Variants in NTRK2 observed in about 807,000 individuals in gnomAD.
The protein encoded by NTRK2 is neurotrophic receptor tyrosine kinase 2.
NTRK2 carries 13 observed loss-of-function variants against 94.5 expected under a neutral mutation model. That is an observed-to-expected ratio of 0.14 (90% confidence interval 0.09 to 0.22). The LOEUF (loss-of-function observed/expected upper bound fraction) is 0.22, where lower values mean the gene tolerates loss of function less well. Among genes scored for constraint, NTRK2 ranks in the 10% least tolerant of loss-of-function variants. The pLI, the probability that NTRK2 is intolerant of heterozygous loss-of-function variation, is 1.00. For missense variants in NTRK2, 639 were observed against 1,071.2 expected, an observed-to-expected ratio of 0.60 and a Z score of 5.63; for synonymous variants, 372 against 407.4, an observed-to-expected ratio of 0.91 and a Z score of 1.05.
Position 84,715,770 on chromosome 9 carries a change from G to A in NTRK2, c.583+4979G>A, listed in dbSNP as rs146046267. Among the ~76,000 whole-genome samples, 775 of 152,132 alleles carry A rather than the reference G, an allele frequency of 5.1e-3. 7 individuals carry two copies. The highest frequency in any genetic ancestry group is 0.017 in the African/African-American group (722 of 41,512). On this transcript the variant is annotated intron_variant, in intron 6 of 18. Transcript: ENST00000277120. ...TGTTTCTAATGAAATTATTTATCAC[G>A]TAGTATTTTCTTTTTAATTTCTGCT...
chr9:84,802,750 G>C (rs778889303), intron 12 of NTRK2, among the ~76,000 whole-genome samples: 1 of 152,198 alleles, frequency 6.6e-6, no homozygotes, highest in Non-Finnish European at 1.5e-5. Flanking sequence ...TAAGCTCTCT[G>C]TTTTAATGGG....
intron 12 of NTRK2, among the ~76,000 whole-genome samples, chr9:84,757,248 C>A (rs183375388): frequency 3.2e-4 from 48 of 152,144 alleles, no homozygotes; most frequent in African/African-American, 1.1e-3. Context: ...TTTAGAAATA[C>A]CTAAACATAA....
intron 12 of NTRK2, among the ~76,000 whole-genome samples, chr9:84,816,867 T>C (rs1353072337): frequency 1.3e-5 from 2 of 152,110 alleles, no homozygotes; most frequent in Admixed American, 6.5e-5. Flanking sequence ...TCTCCATTTG[T>C]TGAACGAAGA....
intron 17 of NTRK2, among the ~76,000 whole-genome samples, chr9:85,008,796 G>T (rs1343561361): frequency 1.3e-5 from 2 of 152,308 alleles, no homozygotes. Flanking sequence ...GGATCGTGCA[G>T]TGGAGCAGGA....
chr9:84,936,060 C>A (rs533469981), intron 15 of NTRK2, among the ~76,000 whole-genome samples: 3 of 152,234 alleles, frequency 2.0e-5, no homozygotes, highest in Middle Eastern at 3.4e-3. Context: ...CTAAGTCAGA[C>A]CTTCAGACTC....
At chr9:84,849,036 A>G (rs1254720162) in intron 12 of NTRK2, among the ~76,000 whole-genome samples, 2 of 152,230 alleles carry the variant, frequency 1.3e-5, no homozygotes, top group African/African-American at 4.8e-5. Flanking sequence ...TTAGGCATAC[A>G]TATTGGAGTC....
chr9:84,998,299 C>T (rs1204329294), intron 17 of NTRK2, among the ~76,000 whole-genome samples: 1 of 152,194 alleles, frequency 6.6e-6, no homozygotes, highest in Non-Finnish European at 1.5e-5. Flanking sequence ...CACTTAGCTT[C>T]TTCTTGACCC....
At chr9:84,950,493 T>A (rs1175816433) in intron 16 of NTRK2, among the ~76,000 whole-genome samples, 1 of 152,218 alleles carries the variant, frequency 6.6e-6, no homozygotes, top group Non-Finnish European at 1.5e-5. Flanking sequence ...CAGCTGCTGG[T>A]GTCCCTTAAA....
intron 14 of NTRK2, among the ~76,000 whole-genome samples, chr9:84,916,295 T>G (rs2132533446): frequency 6.6e-6 from 1 of 152,282 alleles, no homozygotes; most frequent in African/African-American, 2.4e-5. Context: ...TAGCTATGTG[T>G]CACAGTGGGT....
intron 17 of NTRK2, among the ~76,000 whole-genome samples, chr9:84,993,818 C>T (rs1047979358): frequency 1.3e-5 from 2 of 152,150 alleles, no homozygotes; most frequent in Non-Finnish European, 2.9e-5. Flanking sequence ...GTCGCAGGAC[C>T]TTTGCACATG....
At chr9:84,873,098 T>A in intron 14 of NTRK2, 2 of 1,064,510 alleles carry the variant, frequency 1.9e-6, no homozygotes, top group Non-Finnish European at 1.1e-6. Context: ...AGAGATTATC[T>A]GCAGACTTCA....
intron 12 of NTRK2, among the ~76,000 whole-genome samples, chr9:84,756,244 C>A (rs1022336890): frequency 2.0e-5 from 3 of 152,156 alleles, no homozygotes; most frequent in Non-Finnish European, 4.4e-5. Flanking sequence ...GCTCCATTGC[C>A]AAAGGAATAG....
intron 14 of NTRK2, among the ~76,000 whole-genome samples, chr9:84,925,475 T>A (rs2077730443): frequency 1.3e-5 from 2 of 152,160 alleles, no homozygotes; most frequent in African/African-American, 4.8e-5. Context: ...TCATGATCCA[T>A]GGCCCTCTCC....
intron 12 of NTRK2, among the ~76,000 whole-genome samples, chr9:84,821,885 C>A (rs2072871808): frequency 6.6e-6 from 1 of 151,612 alleles, no homozygotes; most frequent in South Asian, 2.1e-4. Flanking sequence ...TGTGTTCTTT[C>A]TTTTCTTGGT....
intron 2 of NTRK2, among the ~76,000 whole-genome samples, chr9:84,701,058 A>G (rs1215889487): frequency 1.3e-5 from 2 of 152,236 alleles, no homozygotes; most frequent in Non-Finnish European, 2.9e-5. Flanking sequence ...CTGAATAGAC[A>G]GGTACTTAAA....
chr9:84,713,821 G>C (rs916635036), intron 6 of NTRK2, among the ~76,000 whole-genome samples: 1 of 150,980 alleles, frequency 6.6e-6, no homozygotes, highest in South Asian at 2.1e-4. Flanking sequence ...CCCCTCTAGA[G>C]GTTTTGAGAA....
At chr9:84,751,577 TCA>T (rs146932543) in intron 11 of NTRK2, among the ~76,000 whole-genome samples, 14 of 149,136 alleles carry the variant, frequency 9.4e-5, no homozygotes, top group Admixed American at 2.7e-4. Context: ...TGAGACTCCG[TCA>T]CACACACACA....
intron 14 of NTRK2, chr9:84,873,227 A>C (rs922515324): frequency 9.4e-7 from 1 of 1,061,360 alleles, no homozygotes; most frequent in Non-Finnish European, 1.1e-6. Flanking sequence ...GTCTTTCAAA[A>C]ATATATTTTC....
chr9:84,814,056 A>C (rs200887481), intron 12 of NTRK2: 178 of 1,064,924 alleles, frequency 1.7e-4, no homozygotes, highest in Non-Finnish European at 1.9e-4. Context: ...CACACATTAG[A>C]GATAATTGAT....
Sources: gnomAD v4.1 joint callset for allele counts (sites outside exome capture counted in the v4.1 genomes callset) on GRCh38, gnomAD v4.1.1 for gene constraint, MANE v1.5 for transcripts, NCBI Gene and HGNC (gene_info 2026-07-23, HGNC 2026-07-21) for gene names.